LRRC2: variants seen among roughly 807,000 people sequenced by gnomAD.
The protein encoded by LRRC2 is leucine rich repeat containing 2.
Under a neutral mutation model 40.2 loss-of-function variants are expected in LRRC2, and 27 were observed. The observed-to-expected ratio is 0.67, with a 90% confidence interval of 0.49 to 0.93. The LOEUF is 0.93. Among genes scored for constraint, LRRC2 ranks in the 40% least tolerant of loss-of-function variants. The pLI is 0.00. For missense variants in LRRC2, 402 were observed against 439.6 expected (o/e 0.91, Z 0.76); for synonymous variants, 147 against 158.9 (o/e 0.92, Z 0.56).
chr3:46,540,394 G>A (rs1814973), intron 3 of LRRC2, among the ~76,000 whole-genome samples: 15,685 of 151,972 alleles, frequency 0.1, 1,188 homozygotes, highest in East Asian at 0.35. Flanking sequence ...GTGTGGTGGC[G>A]TGCACTTGTA....
chr3:46,534,610 C>G (rs1704238977), intron 4 of LRRC2, among the ~76,000 whole-genome samples: 1 of 152,084 alleles, frequency 6.6e-6, no homozygotes. Flanking sequence ...ATCTGTAATT[C>G]CAATAATTAG....
At chr3:46,538,039 G>A (rs920249805) in intron 4 of LRRC2, among the ~76,000 whole-genome samples, 1 of 152,222 alleles carries the variant, frequency 6.6e-6, no homozygotes, top group African/African-American at 2.4e-5. Context: ...GCATCCCCAA[G>A]ATCGGCCTGG....
At chr3:46,525,471 G>A (rs1342673188) in intron 7 of LRRC2, among the ~76,000 whole-genome samples, 3 of 152,054 alleles carry the variant, frequency 2.0e-5, no homozygotes, top group East Asian at 1.9e-4. Context: ...CACCGATCTC[G>A]AACTCCTGAG....
chr3:46,534,419 C>CTTTCTTT (rs1704230189), intron 4 of LRRC2, among the ~76,000 whole-genome samples: 6 of 111,024 alleles, frequency 5.4e-5, no homozygotes, highest in African/African-American at 1.5e-4. Flanking sequence ...TCTTTTCCTT[C>CTTTCTTT]CTTCCTTTCT....
In LRRC2 at chr3:46,516,194, GA is replaced by G. The variant is rs1703860042; in HGVS notation, c.*2819del. The G allele has an allele frequency of 6.6e-6, 1 of 151,978 alleles. No individual in the cohort carries two copies. The allele number at this position is 151,978 out of a possible 1,614,324, so 9.4% of individuals were successfully genotyped here. On this transcript the variant is annotated 3_prime_UTR_variant, in exon 9 of 9. Coordinates refer to ENST00000395905, the MANE Select transcript of LRRC2 (RefSeq NM_024512.5). ...GCTGGTCTCGAACTCCTGACCTCAT[GA>G]TTCACCCATCTCGGCCTCCCAAAGT...
At chr3:46,531,120 G>A (rs1344901182) in intron 5 of LRRC2, among the ~76,000 whole-genome samples, 1 of 151,184 alleles carries the variant, frequency 6.6e-6, no homozygotes, top group Non-Finnish European at 1.5e-5. Context: ...GAATTAAAAG[G>A]ACAAAGAGAC....
intron 8 of LRRC2, 71 bp from the exon 9 acceptor site, chr3:46,519,134 C>T: frequency 9.8e-7 from 1 of 1,024,102 alleles, no homozygotes. Context: ...CGTGCTATGA[C>T]ATACATAATG....
chr3:46,556,615 G>A (rs35461110), intron 1 of LRRC2, among the ~76,000 whole-genome samples: 28,355 of 124,498 alleles, frequency 0.23, 3,557 homozygotes, highest in African/African-American at 0.4. Context: ...GTCTCGCTCT[G>A]TCGCCCAAGC....
intron 7 of LRRC2, among the ~76,000 whole-genome samples, chr3:46,523,496 T>G (rs879004996): frequency 2.6e-5 from 4 of 152,250 alleles, no homozygotes; most frequent in Admixed American, 2.0e-4. Context: ...TCCAAATTTT[T>G]ACCTACTATT....
Position 46,545,038 on chromosome 3 carries a change from C to T in LRRC2, c.333+8G>A, listed in dbSNP as rs746707600. 2.5e-6 allele frequency: 4 copies of T among 1,611,770 alleles called. No individual in the cohort carries two copies. Among genetic ancestry groups the T allele is most frequent in the Admixed American group, 3.3e-5 (2 of 60,020 alleles). ...GCACTGCATTGGGCGAGAACTGCCT[C>T]GACTCACCGTCCAGTGCTCCCCAGA... On this transcript the variant is annotated splice_region_variant and intron_variant, in intron 3 of 8. Transcript: ENST00000395905.
chr3:46,553,168 T>G (rs1225861131), intron 1 of LRRC2, among the ~76,000 whole-genome samples: 4 of 95,960 alleles, frequency 4.2e-5, no homozygotes, highest in Non-Finnish European at 6.2e-5. Flanking sequence ...TTTTAAGTAA[T>G]TATTTGATCA....
chr3:46,558,999 A>G (rs1704876520), intron 1 of LRRC2: 1 of 152,214 alleles, frequency 6.6e-6, no homozygotes, highest in Non-Finnish European at 1.5e-5. Flanking sequence ...TTTGAAATCT[A>G]TTGCATAGCA....
At chr3:46,532,714 C>A (rs568198670) in intron 5 of LRRC2, 59 bp downstream of exon 5, 2 of 1,537,644 alleles carry the variant, frequency 1.3e-6, no homozygotes, top group South Asian at 2.4e-5. Context: ...TATTATAGAC[C>A]ATTCTATGTC....
intron 2 of LRRC2, among the ~76,000 whole-genome samples, chr3:46,545,891 C>T (rs1704514374): frequency 6.6e-6 from 1 of 152,254 alleles, no homozygotes; most frequent in South Asian, 2.1e-4. Context: ...GAACAGGGCT[C>T]TGCACCTGGT....
intron 1 of LRRC2, among the ~76,000 whole-genome samples, chr3:46,554,016 T>C (rs1038498011): frequency 5.3e-5 from 8 of 151,250 alleles, no homozygotes; most frequent in East Asian, 2.0e-4. Context: ...GTTGTTGTTG[T>C]TTTTTTGTTG....
At chr3:46,545,362 G>T in intron 2 of LRRC2, 109 bp from the exon 3 acceptor site, 1 of 868,978 alleles carries the variant, frequency 1.2e-6, no homozygotes, top group Non-Finnish European at 1.8e-6. Flanking sequence ...TCATTCCCAG[G>T]CCTACGTAAG....
At chr3:46,526,030 G>A (rs55990714) in intron 7 of LRRC2, among the ~76,000 whole-genome samples, 77,968 of 151,466 alleles carry the variant, frequency 0.51, 20,904 homozygotes, top group South Asian at 0.65. Flanking sequence ...TCGGCTTATT[G>A]CAAATTCCGC....
intron 1 of LRRC2, among the ~76,000 whole-genome samples, chr3:46,554,992 G>A (rs1294552859): frequency 6.6e-6 from 1 of 152,176 alleles, no homozygotes; most frequent in Non-Finnish European, 1.5e-5. Context: ...GATGACTAAT[G>A]ATGTTGAGCA....
chr3:46,524,230 C>A (rs1241495702), intron 7 of LRRC2, among the ~76,000 whole-genome samples: 2 of 152,200 alleles, frequency 1.3e-5, no homozygotes, highest in African/African-American at 4.8e-5. Flanking sequence ...AAGGTACCGG[C>A]CTCACTGTGG....
Sources: gnomAD v4.1 joint callset for allele counts (sites outside exome capture counted in the v4.1 genomes callset) on GRCh38, gnomAD v4.1.1 for gene constraint, MANE v1.5 for transcripts, NCBI Gene and HGNC (gene_info 2026-07-23, HGNC 2026-07-21) for gene names.